Variants in HLF observed in about 807,000 individuals in gnomAD.
HLF encodes HLF transcription factor, PAR bZIP family member.
Under a neutral mutation model 22.6 loss-of-function variants are expected in HLF, and 3 were observed. The observed-to-expected ratio is 0.13, with a 90% CI of 0.06 to 0.34. HLF has a LOEUF of 0.34. HLF is among the 10% of genes least tolerant of loss of function. HLF has a pLI of 1.00. For synonymous variants in HLF, 151 were observed against 151.8 expected, an observed-to-expected ratio of 0.99 and a Z score of 0.04; for missense variants, 299 against 389.2, an observed-to-expected ratio of 0.77 and a Z score of 1.95.
At chr17:55,302,069 C>A (rs536888430) in intron 2 of HLF, among the ~76,000 whole-genome samples, 1 of 152,304 alleles carries the variant, frequency 6.6e-6, no homozygotes, top group South Asian at 2.1e-4. Context: ...ATTTTCCCAA[C>A]CTGCCTGGGA....
At chr17:55,272,309 G>A (rs1432751936) in intron 2 of HLF, 1 of 152,270 alleles carries the variant, frequency 6.6e-6, no homozygotes, top group Non-Finnish European at 1.5e-5. Flanking sequence ...TCCCTTTAGG[G>A]AAAGTCATCT....
At chr17:55,278,509 C>G (rs1455358474) in intron 2 of HLF, among the ~76,000 whole-genome samples, 1 of 147,172 alleles carries the variant, frequency 6.8e-6, no homozygotes, top group East Asian at 2.0e-4. Flanking sequence ...TCCATTTGTA[C>G]CCAATAAATG....
At chr17:55,269,286 A>G (rs2080828979) in intron 2 of HLF, among the ~76,000 whole-genome samples, 3 of 152,148 alleles carry the variant, frequency 2.0e-5, no homozygotes, top group Admixed American at 1.3e-4. Flanking sequence ...TTATAACTCA[A>G]GGCCACTGGC....
intron 2 of HLF, among the ~76,000 whole-genome samples, chr17:55,292,613 C>T (rs146109316): frequency 1.5e-4 from 23 of 152,238 alleles, no homozygotes; most frequent in African/African-American, 4.6e-4. Context: ...GGTCTAGAAC[C>T]GGTCCTGCAA....
chr17:55,313,359 C>CGTGTGTGTGT (rs58593405), intron 2 of HLF, among the ~76,000 whole-genome samples: 77 of 147,244 alleles, frequency 5.2e-4, no homozygotes, highest in South Asian at 1.8e-3. Context: ...GAGGTGTGTG[C>CGTGTGTGTGT]GTGTGTGTGT....
intron 2 of HLF, among the ~76,000 whole-genome samples, chr17:55,279,062 C>G (rs1371418883): frequency 6.6e-6 from 1 of 152,112 alleles, no homozygotes; most frequent in African/African-American, 2.4e-5. Context: ...ATTAGTACAC[C>G]TTCCTGGGGA....
At position 55,290,464 on chromosome 17, in the gene HLF, C is replaced by A. The variant is rs193301438; in HGVS notation, c.451+22378C>A. The stretch of plus-strand genomic sequence containing the variant: ...TTATTATTATATGTGCTATGTTGAT[C>A]TATGATCAGTGATCTTTGATGTTAC... On this transcript the variant is annotated intron_variant, in intron 2 of 3. Transcript: ENST00000226067. Among the ~76,000 whole-genome samples the A allele has an allele frequency of 4.0e-3, 608 of 152,208 alleles. 2 individuals are homozygous for A. Among genetic ancestry groups the A allele is most frequent in the Non-Finnish European group, 6.7e-3 (459 of 68,014 alleles).
intron 2 of HLF, among the ~76,000 whole-genome samples, chr17:55,301,109 G>T (rs962308821): frequency 3.9e-5 from 6 of 152,198 alleles, no homozygotes; most frequent in African/African-American, 1.4e-4. Context: ...CCCTCTGAGG[G>T]ACATTTCCTG....
intron 2 of HLF, among the ~76,000 whole-genome samples, chr17:55,286,472 G>A (rs777940830): frequency 9.9e-5 from 15 of 151,984 alleles, no homozygotes; most frequent in South Asian, 4.2e-4. Flanking sequence ...GGGTAATCTC[G>A]CTTCCCTCAG....
intron 2 of HLF, among the ~76,000 whole-genome samples, chr17:55,299,114 A>G (rs1237307880): frequency 2.0e-5 from 3 of 152,230 alleles, no homozygotes; most frequent in African/African-American, 7.2e-5. Flanking sequence ...AAGAACTGCA[A>G]AGGCTGGCAG....
At chr17:55,274,669 C>A (rs1000024666) in intron 2 of HLF, among the ~76,000 whole-genome samples, 1 of 152,182 alleles carries the variant, frequency 6.6e-6, no homozygotes, top group Admixed American at 6.5e-5. Flanking sequence ...CGATCTCAGG[C>A]AAGTCATTTA....
intron 2 of HLF, among the ~76,000 whole-genome samples, chr17:55,270,214 T>A (rs2080839469): frequency 6.6e-6 from 1 of 152,174 alleles, no homozygotes; most frequent in Non-Finnish European, 1.5e-5. Context: ...ACACTGAGGG[T>A]CTAGAAATAA....
rs1054192963 is a variant in HLF, at chr17:55,322,705, G to A, written c.*1826G>A. 7.7e-5 allele frequency: 17 copies of A among 219,980 alleles called. No individual in the cohort carries two copies. Among genetic ancestry groups the A allele is most frequent in the African/African-American group, 3.8e-4 (17 of 44,586 alleles). 13.6% of individuals were successfully genotyped at this position (219,980 alleles called of 1,614,324 possible). ...TCAAATATTTATTGGATGATACAGTGTTTTTTAGGAAAAGCATCTGCCACA... is the reference window on the plus strand; with the variant it reads ...TCAAATATTTATTGGATGATACAGTATTTTTTAGGAAAAGCATCTGCCACA... On this transcript the variant is annotated 3_prime_UTR_variant, in exon 4 of 4. Coordinates refer to ENST00000226067, the MANE Select transcript of HLF (RefSeq NM_002126.5).
chr17:55,287,845 A>G (rs2145326257), intron 2 of HLF, among the ~76,000 whole-genome samples: 1 of 152,360 alleles, frequency 6.6e-6, no homozygotes, highest in Admixed American at 6.5e-5. Context: ...TTTTATCTCC[A>G]GCACCTAGGC....
intron 2 of HLF, chr17:55,272,279 G>T (rs575562538): frequency 6.6e-6 from 1 of 152,260 alleles, no homozygotes; most frequent in African/African-American, 2.4e-5. Flanking sequence ...AGAATTGAGC[G>T]ATTGCTTTAA....
chr17:55,323,450 G>T lies in HLF; in HGVS notation c.*2571G>T, dbSNP rs1297730064. On this transcript the variant is annotated 3_prime_UTR_variant, in exon 4 of 4. Coordinates refer to ENST00000226067, the MANE Select transcript of HLF (RefSeq NM_002126.5). ...CTGAAAAAACTATATTTGAGCACTG[G>T]TCTCTCTTGGAATTAGATGTTTATA... is the stretch of plus-strand genomic sequence containing the variant. 4.7e-6 allele frequency: 1 copy of T among 214,140 alleles called. No homozygotes were observed. Among genetic ancestry groups the T allele is most frequent in the Non-Finnish European group, 9.4e-6 (1 of 105,938 alleles). The allele number at this position is 214,140 out of a possible 1,614,324, so 13.3% of individuals were successfully genotyped here. A position where few individuals can be genotyped will look rare whatever the true frequency, so the allele number is the denominator to read the frequency against.
At chr17:55,272,095 G>C (rs973264363) in intron 2 of HLF, 1 of 152,214 alleles carries the variant, frequency 6.6e-6, no homozygotes, top group Admixed American at 6.5e-5. Flanking sequence ...GGGGCTCCTC[G>C]GTCATCCAAG....
At chr17:55,316,496 A>G (rs1281470873) in intron 3 of HLF, among the ~76,000 whole-genome samples, 1 of 152,278 alleles carries the variant, frequency 6.6e-6, no homozygotes, top group Non-Finnish European at 1.5e-5. Flanking sequence ...GCAAATTTAA[A>G]TCACTGCTGT....
intron 1 of HLF, chr17:55,266,962 A>G (rs1010246136): frequency 1.0e-5 from 2 of 193,402 alleles, no homozygotes; most frequent in Non-Finnish European, 1.9e-5. Flanking sequence ...TGTAAATTGG[A>G]TCATACTCAA....
Sources: allele counts gnomAD v4.1 joint callset (sites outside exome capture counted in the v4.1 genomes callset), GRCh38; gene constraint gnomAD v4.1.1; transcripts MANE v1.5; gene names NCBI Gene and HGNC (gene_info 2026-07-23, HGNC 2026-07-21).